The following BRD10 variants were observed in gnomAD, a reference collection of about 807,000 sequenced individuals.
The protein encoded by BRD10 is bromodomain containing 10, also known as uncharacterized bromodomain-containing protein 10.
the BRD10 span, chr9:5,945,018 T>C: frequency 2.3e-5 from 18 of 796,274 alleles, no homozygotes; most frequent in Admixed American, 9.3e-5. Context: ...ACCCAAAATG[T>C]GGTAACAGAA....
chr9:5,920,166 T>G, the BRD10 span: 4 of 1,613,908 alleles, frequency 2.5e-6, no homozygotes, highest in Admixed American at 6.7e-5. Context: ...GATGCTAGTG[T>G]GATCTTCTGG....
At chr9:5,990,698 C>T in the BRD10 span, among the ~76,000 whole-genome samples, 1 of 152,122 alleles carries the variant, frequency 6.6e-6, no homozygotes. Flanking sequence ...CTGCTTCTCT[C>T]TCACCAACAT....
At chr9:5,897,559 C>T in the BRD10 span, 4 of 1,613,882 alleles carry the variant, frequency 2.5e-6, no homozygotes, top group African/African-American at 4.0e-5. Flanking sequence ...TGGGCCAGGG[C>T]CGCTGGGATC....
the BRD10 span, chr9:5,922,347 C>T: frequency 6.2e-7 from 1 of 1,613,892 alleles, no homozygotes; most frequent in South Asian, 1.1e-5. Context: ...AATGTGGCTG[C>T]TGAAACTGCA....
the BRD10 span, among the ~76,000 whole-genome samples, chr9:5,900,683 ATC>A: frequency 6.6e-6 from 1 of 152,140 alleles, no homozygotes; most frequent in African/African-American, 2.4e-5. Context: ...TGGAATTTAG[ATC>A]TCTTAAAATT....
At chr9:5,950,810 T>A in the BRD10 span, among the ~76,000 whole-genome samples, 5 of 152,090 alleles carry the variant, frequency 3.3e-5, no homozygotes, top group African/African-American at 1.2e-4. Context: ...TGGTATAGTA[T>A]CTGCATATAA....
At chr9:5,937,091 G>C in the BRD10 span, among the ~76,000 whole-genome samples, 1 of 151,910 alleles carries the variant, frequency 6.6e-6, no homozygotes, top group Non-Finnish European at 1.5e-5. Flanking sequence ...TATGCTGGGT[G>C]TGGTGGCACG....
chr9:5,958,101 C>A, the BRD10 span, among the ~76,000 whole-genome samples: 1 of 152,058 alleles, frequency 6.6e-6, no homozygotes, highest in Non-Finnish European at 1.5e-5. Flanking sequence ...TCAGCCTGTA[C>A]CTGGAAAATG....
the BRD10 span, among the ~76,000 whole-genome samples, chr9:5,965,021 C>A: frequency 3.2e-5 from 4 of 125,856 alleles, no homozygotes; most frequent in Non-Finnish European, 4.9e-5. Flanking sequence ...CTAACCTGCA[C>A]AATGTGCACA....
the BRD10 span, among the ~76,000 whole-genome samples, chr9:5,999,923 C>G: frequency 6.6e-6 from 1 of 152,086 alleles, no homozygotes; most frequent in East Asian, 1.9e-4. Flanking sequence ...TGCTTTTGAA[C>G]ACTGTGTCCA....
At chr9:5,977,488 T>C in the BRD10 span, among the ~76,000 whole-genome samples, 9 of 152,158 alleles carry the variant, frequency 5.9e-5, no homozygotes, top group Admixed American at 2.0e-4. Flanking sequence ...AGAGTTAATA[T>C]ATATAATCAG....
At chr9:5,926,097 T>C in the BRD10 span, among the ~76,000 whole-genome samples, 4 of 152,038 alleles carry the variant, frequency 2.6e-5, no homozygotes, top group Non-Finnish European at 4.4e-5. Flanking sequence ...TCTGTATTTT[T>C]AGTAGAGACG....
the BRD10 span, among the ~76,000 whole-genome samples, chr9:5,943,328 AT>A: frequency 6.6e-6 from 1 of 152,212 alleles, no homozygotes; most frequent in African/African-American, 2.4e-5. Flanking sequence ...AAAACTATGC[AT>A]TAAAAAATGC....
chr9:5,990,593 G>C, the BRD10 span, among the ~76,000 whole-genome samples: 20 of 152,084 alleles, frequency 1.3e-4, no homozygotes, highest in Admixed American at 1.3e-3. Context: ...AGACCAAAGA[G>C]AAAGTAATAT....
At chr9:5,930,307 C>T in the BRD10 span, among the ~76,000 whole-genome samples, 137 of 150,134 alleles carry the variant, frequency 9.1e-4, no homozygotes, top group African/African-American at 3.2e-3. Flanking sequence ...GAAAAATTAC[C>T]ACTATCTAGA....
the BRD10 span, among the ~76,000 whole-genome samples, chr9:5,894,265 A>C: frequency 1.3e-5 from 2 of 152,222 alleles, no homozygotes; most frequent in Non-Finnish European, 2.9e-5. The surrounding 1 kb of genome is among the most constrained non-coding windows in gnomAD (Gnocchi z 4.0). Context: ...CAACCTGAAC[A>C]AGGTAACTTT....
chr9:5,947,155 T>A, the BRD10 span, among the ~76,000 whole-genome samples: 1 of 152,148 alleles, frequency 6.6e-6, no homozygotes, highest in Admixed American at 6.6e-5. Flanking sequence ...AAAATAACAC[T>A]TTCAAGTGGC....
chr9:5,920,860 A>G, the BRD10 span: 1 of 1,614,012 alleles, frequency 6.2e-7, no homozygotes, highest in South Asian at 1.1e-5. Flanking sequence ...CTGTTTTCAC[A>G]GTTGATATAG....
At chr9:5,893,537 T>C in the BRD10 span, among the ~76,000 whole-genome samples, 1 of 152,164 alleles carries the variant, frequency 6.6e-6, no homozygotes, top group Non-Finnish European at 1.5e-5. Flanking sequence ...CTAATATCCC[T>C]GGCCAATTGG....
Sources: gnomAD v4.1 joint callset for allele counts (sites outside exome capture counted in the v4.1 genomes callset) on GRCh38, gnomAD v4.1.1 for gene constraint, Gnocchi (gnomAD v3.1) non-coding constraint, MANE v1.5 for transcripts, NCBI Gene and HGNC (gene_info 2026-07-23, HGNC 2026-07-21) for gene names.